The following ROBO1 variants were observed in gnomAD, a reference collection of about 807,000 sequenced individuals.
The protein encoded by ROBO1 is roundabout homolog 1.
Under a neutral mutation model 195.9 loss-of-function variants are expected in ROBO1, and 149 were observed. That is an observed-to-expected ratio of 0.76 (90% CI 0.67 to 0.87). ROBO1 has a LOEUF of 0.87. ROBO1 is among the 40% of genes least tolerant of loss of function. The probability of loss-of-function intolerance (pLI) is 0.00; values close to 1 mark genes in which losing one functional copy is unlikely to be tolerated. For missense variants in ROBO1, 1,933 were observed against 2,068.3 expected (o/e 0.93, Z 1.27); for synonymous variants, 816 against 733.2 (o/e 1.11, Z -1.82).
At chr3:79,632,036 G>A (rs1005619176) in intron 1 of ROBO1, among the ~76,000 whole-genome samples, 6 of 152,064 alleles carry the variant, frequency 3.9e-5, no homozygotes, top group African/African-American at 1.4e-4. Context: ...TGGTAGAAAT[G>A]TAAATTAGTA....
chr3:78,803,721 C>T (rs997504079), intron 4 of ROBO1, among the ~76,000 whole-genome samples: 3 of 151,540 alleles, frequency 2.0e-5, no homozygotes, highest in Non-Finnish European at 4.4e-5. Flanking sequence ...AATGACAACA[C>T]AGGAATAAGT....
chr3:78,746,367 C>T (rs2082656648), intron 5 of ROBO1, among the ~76,000 whole-genome samples: 1 of 152,080 alleles, frequency 6.6e-6, no homozygotes, highest in South Asian at 2.1e-4. Flanking sequence ...CCTGAAGTGG[C>T]TTAAGAGGCC....
intron 23 of ROBO1, chr3:78,634,456 A>G: frequency 3.3e-6 from 1 of 301,952 alleles, no homozygotes. Flanking sequence ...CCAAATGATA[A>G]GCTTGCCACT....
chr3:79,686,174 T>A (rs1947106458), intron 1 of ROBO1, among the ~76,000 whole-genome samples: 1 of 152,302 alleles, frequency 6.6e-6, no homozygotes, highest in Admixed American at 6.5e-5. Context: ...TCAACAACCG[T>A]TCATGCTAAA....
At chr3:79,205,621 T>G (rs6782878) in intron 2 of ROBO1, among the ~76,000 whole-genome samples, 21,329 of 152,106 alleles carry the variant, frequency 0.14, 2,453 homozygotes, top group African/African-American at 0.32. Flanking sequence ...GCATGTATTT[T>G]GCAGGGCACT....
chr3:79,030,077 A>T (rs930813261), intron 3 of ROBO1, among the ~76,000 whole-genome samples: 2 of 152,228 alleles, frequency 1.3e-5, no homozygotes, highest in African/African-American at 4.8e-5. Flanking sequence ...CTATTTGCAG[A>T]TTGCAGATAT....
At position 79,645,345 on chromosome 3, in the gene ROBO1, T is replaced by C. The variant is rs78178350; in HGVS notation, c.-50-55384A>G. The stretch of plus-strand genomic sequence containing the variant: ...CACAAGGCCTCATCTCAACAAAAAA[T>C]AAAAAAATTAGCCAGCCATGGTGAT... On this transcript the variant is annotated intron_variant, in intron 1 of 30. Transcript: ENST00000464233. Among the ~76,000 whole-genome samples, 697 of 151,488 alleles carry C rather than the reference T, an allele frequency of 4.6e-3. 2 individuals carry two copies. The highest frequency in any genetic ancestry group is 7.2e-3 in the Non-Finnish European group (490 of 67,862).
chr3:78,871,057 T>C (rs2035515552), intron 4 of ROBO1, among the ~76,000 whole-genome samples: 1 of 152,096 alleles, frequency 6.6e-6, no homozygotes, highest in Non-Finnish European at 1.5e-5. Flanking sequence ...GCTGTTAGGG[T>C]GCTATCAAAA....
chr3:79,204,384 T>C (rs1365774033), intron 2 of ROBO1, among the ~76,000 whole-genome samples: 1 of 152,100 alleles, frequency 6.6e-6, no homozygotes, highest in East Asian at 1.9e-4. Context: ...TCTAGTGTGT[T>C]GCCTCTAGCT....
intron 3 of ROBO1, among the ~76,000 whole-genome samples, chr3:78,942,764 C>A (rs2040206982): frequency 6.6e-6 from 1 of 152,110 alleles, no homozygotes; most frequent in Non-Finnish European, 1.5e-5. Flanking sequence ...GAAGCCAGGC[C>A]CAGTGGCACA....
chr3:79,002,629 A>G (rs1270611877), intron 3 of ROBO1, among the ~76,000 whole-genome samples: 1 of 151,998 alleles, frequency 6.6e-6, no homozygotes, highest in Non-Finnish European at 1.5e-5. Context: ...GCTGCTAACC[A>G]CCACATTACT....
intron 14 of ROBO1, among the ~76,000 whole-genome samples, chr3:78,667,538 A>G (rs1252047293): frequency 6.6e-6 from 1 of 151,826 alleles, no homozygotes. Flanking sequence ...GTACCCGTTA[A>G]CCATCCCCAC....
intron 3 of ROBO1, among the ~76,000 whole-genome samples, chr3:79,059,945 G>A (rs1012593079): frequency 6.6e-6 from 1 of 151,994 alleles, no homozygotes; most frequent in Admixed American, 6.6e-5. Context: ...TGCCGAGCTG[G>A]GCAGAACAGA....
intron 4 of ROBO1, 191 bp downstream of exon 4, chr3:78,938,410 A>C (rs879654065): frequency 4.2e-5 from 23 of 552,584 alleles, no homozygotes; most frequent in Non-Finnish European, 7.0e-5. Context: ...GTAAATACCA[A>C]TTTAGCTTGA....
At chr3:79,243,612 T>G (rs2082565633) in intron 2 of ROBO1, among the ~76,000 whole-genome samples, 1 of 151,870 alleles carries the variant, frequency 6.6e-6, no homozygotes, top group Non-Finnish European at 1.5e-5. Flanking sequence ...TCATGTGTCT[T>G]TTGGCTGCAT....
chr3:79,497,435 T>A (rs1326399708), intron 2 of ROBO1, among the ~76,000 whole-genome samples: 1 of 152,186 alleles, frequency 6.6e-6, no homozygotes, highest in African/African-American at 2.4e-5. Flanking sequence ...CTTTTTTGTT[T>A]TGTGTTTTGT....
chr3:79,461,663 T>G (rs1937644053), intron 2 of ROBO1, among the ~76,000 whole-genome samples: 1 of 152,206 alleles, frequency 6.6e-6, no homozygotes, highest in Non-Finnish European at 1.5e-5. Flanking sequence ...ATGAAATGTT[T>G]GTTGCTTTCA....
chr3:78,852,373 C>A (rs1340112711), intron 4 of ROBO1, among the ~76,000 whole-genome samples: 2 of 152,126 alleles, frequency 1.3e-5, no homozygotes, highest in African/African-American at 4.8e-5. Context: ...GTCAGTTCTA[C>A]TTTCTGTAGT....
intron 1 of ROBO1, among the ~76,000 whole-genome samples, chr3:79,731,274 C>A (rs1703137889): frequency 6.6e-6 from 1 of 152,126 alleles, no homozygotes. Flanking sequence ...TAGAAAGACA[C>A]AAGACAATTA....
Sources: allele counts gnomAD v4.1 joint callset (sites outside exome capture counted in the v4.1 genomes callset), GRCh38; gene constraint gnomAD v4.1.1; transcripts MANE v1.5; gene names NCBI Gene and HGNC (gene_info 2026-07-23, HGNC 2026-07-21).